The following SEC24C variants were observed in gnomAD, a reference collection of about 807,000 sequenced individuals.
SEC24C encodes the protein protein transport protein Sec24C.
SEC24C carries 22 observed loss-of-function variants against 117.0 expected under a neutral mutation model. The ratio of observed to expected loss-of-function variants is 0.19; its 90% CI spans 0.13 to 0.27. The LOEUF (loss-of-function observed/expected upper bound fraction) is 0.27, where lower values mean the gene tolerates loss of function less well. Ranked by LOEUF, SEC24C falls within the 10% of genes least tolerant of loss-of-function variation. SEC24C has a pLI of 1.00. For synonymous variants in SEC24C, 506 were observed against 529.4 expected, an observed-to-expected ratio of 0.96 and a Z score of 0.61; for missense variants, 1,155 against 1,375.1, an observed-to-expected ratio of 0.84 and a Z score of 2.53.
intron 2 of SEC24C, among the ~76,000 whole-genome samples, chr10:73,749,100 C>T (rs2082605936): frequency 1.3e-5 from 2 of 152,144 alleles, no homozygotes; most frequent in Admixed American, 1.3e-4. Context: ...CTAGTGGGAA[C>T]ACATCTCCCA....
At position 73,766,143 on chromosome 10, in the gene SEC24C, G is replaced by A. The variant is rs1255368159; in HGVS notation, c.1540G>A (p.Ala514Thr). Residue 514 changes from alanine to threonine, a missense_variant, in exon 11 of 23, where the codon GCC (alanine) becomes ACC (threonine). Ala to Thr is a moderately conservative substitution (Grantham distance 58). Around this residue, in one of 2 missense-constraint regions of SEC24C, gnomAD observed 759 missense variants for 992.3 expected, o/e 0.76. Transcript: ENST00000345254. Reference protein sequence around the residue: ...FIFMIDVSYNAIRTGLVRLLC... With the variant: ...FIFMIDVSYNTIRTGLVRLLC... ...CTTCATGATTGACGTCTCCTACAAT[G>A]CCATCAGGACTGGTCTTGTTAGGCT... The A allele has an allele frequency of 1.9e-6, 3 of 1,613,648 alleles. No individual in the cohort carries two copies. The highest frequency in any genetic ancestry group is 2.2e-5 in the South Asian group (2 of 91,070).
At chr10:73,757,057 T>C (rs900972361) in intron 3 of SEC24C, among the ~76,000 whole-genome samples, 14 of 149,448 alleles carry the variant, frequency 9.4e-5, no homozygotes, top group African/African-American at 3.4e-4. Context: ...ATTACAGGTG[T>C]GCACTACCAC....
chr10:73,746,771 G>T, intron 1 of SEC24C, 34 bp from the exon 2 acceptor site: 2 of 1,484,520 alleles, frequency 1.3e-6, no homozygotes, highest in Non-Finnish European at 1.8e-6. Flanking sequence ...TCTTTAGAAA[G>T]TTCATTTTGA....
intron 5 of SEC24C, 135 bp from the exon 6 acceptor site, chr10:73,760,578 T>C: frequency 8.4e-7 from 1 of 1,185,040 alleles, no homozygotes; most frequent in Non-Finnish European, 1.2e-6. Context: ...TAACATGGTA[T>C]TTTTCTGAAT....
Position 73,746,818 on chromosome 10 carries a change from G to A in SEC24C, c.-15G>A. The stretch of plus-strand genomic sequence containing the variant: ...TCTCTCTCACAGGTGAGATCAAATT[G>A]GGAATGCTTTCATAATGAACGTCAA... On this transcript the variant is annotated 5_prime_UTR_variant, in exon 2 of 23. Coordinates refer to ENST00000345254, the MANE Select transcript of SEC24C (RefSeq NM_198597.3). The A allele has an allele frequency of 6.3e-7, 1 of 1,594,028 alleles. No homozygotes were observed. Among genetic ancestry groups the A allele is most frequent in the Admixed American group, 1.7e-5 (1 of 58,272 alleles).
chr10:73,759,933 C>T (rs35972789), intron 4 of SEC24C, 85 bp from the exon 5 acceptor site: 15 of 1,502,130 alleles, frequency 1.0e-5, no homozygotes, highest in South Asian at 1.3e-5. Flanking sequence ...CATATTTGCC[C>T]CTCTTGTGTG....
chr10:73,760,180 C>G lies in SEC24C; in HGVS notation c.644C>G (p.Pro215Arg). The G allele has an allele frequency of 6.2e-7, 1 of 1,614,170 alleles. No homozygotes were observed. Among genetic ancestry groups the G allele is most frequent in the Non-Finnish European group, 8.5e-7 (1 of 1,180,018 alleles). The change falls in exon 5 of 23, where the codon CCC becomes CGC. Residue 215 changes from proline (P) to arginine (R), a missense_variant. Coordinates refer to ENST00000345254, the MANE Select transcript of SEC24C (RefSeq NM_198597.3). ...SAPSQASSFT[P>R]PASGGPRLPS... is the part of the protein sequence containing the mutation. ...CCATCACAGGCCTCCAGCTTCACAC[C>G]CCCAGCTTCAGGGGGTCCTCGGCTG...
chr10:73,748,416 T>C (rs1467237605), intron 2 of SEC24C, among the ~76,000 whole-genome samples: 3 of 151,582 alleles, frequency 2.0e-5, no homozygotes, highest in Non-Finnish European at 4.4e-5. Flanking sequence ...ATTACAGGCA[T>C]GAGCCACCAC....
intron 3 of SEC24C, among the ~76,000 whole-genome samples, chr10:73,753,952 T>A (rs2082676881): frequency 6.6e-6 from 1 of 152,136 alleles, no homozygotes; most frequent in Non-Finnish European, 1.5e-5. Context: ...CCTTAAAACA[T>A]TATGAGGTTT....
chr10:73,753,159 C>T (rs186616572), intron 3 of SEC24C, among the ~76,000 whole-genome samples: 1 of 152,286 alleles, frequency 6.6e-6, no homozygotes, highest in African/African-American at 2.4e-5. Flanking sequence ...AGGCGATTCT[C>T]CAGCCTCAGC....
At chr10:73,751,544 G>A (rs1275972580) in intron 3 of SEC24C, among the ~76,000 whole-genome samples, 1 of 151,658 alleles carries the variant, frequency 6.6e-6, no homozygotes, top group East Asian at 1.9e-4. Context: ...GTGAGACTCC[G>A]TCTCATAAAT....
At chr10:73,766,906 C>A in intron 13 of SEC24C, 53 bp downstream of exon 13, 1 of 1,531,406 alleles carries the variant, frequency 6.5e-7, no homozygotes, top group Non-Finnish European at 9.1e-7. Context: ...CTCTGACCAT[C>A]TTATCCCCTG....
intron 1 of SEC24C, 70 bp from the exon 2 acceptor site, chr10:73,746,735 C>T (rs1244316341): frequency 4.8e-6 from 5 of 1,044,554 alleles, no homozygotes; most frequent in African/African-American, 3.2e-5. Flanking sequence ...CTTTTTATCT[C>T]TACTTCCTGC....
Position 73,770,816 on chromosome 10 carries a change from C to G in SEC24C, c.3144+18C>G. ...ACATGAAGGTAACACTGATCTGAAC[C>G]CTGGATTTCTTACCTTGTCAAGTCC... is the stretch of plus-strand genomic sequence containing the variant. On this transcript the variant is annotated intron_variant, in intron 22 of 22. Transcript: ENST00000345254. 6.2e-7 allele frequency: 1 copy of G among 1,613,658 alleles called. No homozygotes were observed. Among genetic ancestry groups the G allele is most frequent in the Non-Finnish European group, 8.5e-7 (1 of 1,179,606 alleles).
intron 3 of SEC24C, among the ~76,000 whole-genome samples, chr10:73,758,999 C>T (rs2082754132): frequency 6.6e-6 from 1 of 152,126 alleles, no homozygotes; most frequent in Non-Finnish European, 1.5e-5. Context: ...AGTTTGAGAC[C>T]AGCCTAGGCA....
chr10:73,767,313 A>G, intron 14 of SEC24C, 143 bp downstream of exon 14: 1 of 619,854 alleles, frequency 1.6e-6, no homozygotes, highest in Non-Finnish European at 2.9e-6. Context: ...CTGCTGCCAT[A>G]CTTCTCTACT....
chr10:73,769,520 C>T lies in SEC24C; in HGVS notation c.2563+35C>T, dbSNP rs1315087284. Reference sequence around the variant, plus strand: ...GAAGCAGGGCAGGGTGGGATTGGGGCTGAGAGGTCCAGGATGGTGAGTGGG... The same window carrying T: ...GAAGCAGGGCAGGGTGGGATTGGGGTTGAGAGGTCCAGGATGGTGAGTGGG... On this transcript the variant is annotated intron_variant, in intron 18 of 22. Transcript: ENST00000345254. This position sits in a 1 kb window ranked among gnomAD's most constrained non-coding sequence, Gnocchi z 4.5. The T allele has an allele frequency of 1.2e-6, 2 of 1,613,836 alleles. No homozygotes were observed. The highest frequency in any genetic ancestry group is 1.7e-6 in the Non-Finnish European group (2 of 1,179,824).
Position 73,746,978 on chromosome 10 carries a change from C to T in SEC24C, c.146C>T (p.Pro49Leu), listed in dbSNP as rs368921702. 6.2e-7 allele frequency: 1 copy of T among 1,612,862 alleles called. No homozygotes were observed. Among genetic ancestry groups the T allele is most frequent in the African/African-American group, 1.3e-5 (1 of 74,886 alleles). The change falls in exon 2 of 23, where the codon CCA (proline) becomes CTA (leucine). Residue 49 changes from proline to leucine, a missense_variant. This residue lies in a region of SEC24C where 396 missense variants were observed against 382.8 expected (regional missense o/e 1.03). Transcript: ENST00000345254. Reference protein sequence around the residue: ...IPYGAYNGPVPGYQQTPPQGM... With the variant: ...IPYGAYNGPVLGYQQTPPQGM... ...TATGGAGCCTACAATGGCCCAGTACCAGGCTATCAGCAAACACCTCCCCAA... is the reference window on the plus strand; with the variant it reads ...TATGGAGCCTACAATGGCCCAGTACTAGGCTATCAGCAAACACCTCCCCAA...
In SEC24C at chr10:73,760,743, C is replaced by G. The variant is rs755288988; in HGVS notation, c.881C>G (p.Ser294Cys). The change falls in exon 6 of 23, where the codon TCT becomes TGT. Residue 294 changes from serine to cysteine, a missense_variant. This residue lies in a region of SEC24C where 396 missense variants were observed against 382.8 expected (regional missense o/e 1.03). Transcript: ENST00000345254. ...GSFGPARGPQSNYGGPYPAAP... is the reference protein window; with the variant it reads ...GSFGPARGPQCNYGGPYPAAP... ...TTCGGACCAGCCCGGGGCCCTCAGT[C>G]TAATTATGGAGGCCCCTACCCAGCA... 17 of 1,612,708 alleles carry G rather than the reference C, an allele frequency of 1.1e-5. No individual in the cohort carries two copies. Among genetic ancestry groups the G allele is most frequent in the Non-Finnish European group, 1.4e-5 (17 of 1,179,510 alleles).
Sources: gnomAD v4.1 joint callset for allele counts (sites outside exome capture counted in the v4.1 genomes callset) on GRCh38, gnomAD v4.1.1 for gene constraint, gnomAD v4.1.1 regional missense constraint, Gnocchi (gnomAD v3.1) non-coding constraint, MANE v1.5 for transcripts, NCBI Gene and HGNC (gene_info 2026-07-23, HGNC 2026-07-21) for gene names.